AOC3: variants seen among roughly 807,000 people sequenced by gnomAD.
The protein encoded by AOC3 is amine oxidase copper containing 3, also known as amine oxidase [copper-containing] 3.
A neutral mutation model predicts 55.4 loss-of-function variants in AOC3; 47 were observed. The ratio of observed to expected loss-of-function variants is 0.85; its 90% CI spans 0.67 to 1.08. AOC3 has a LOEUF of 1.08. Among genes scored for constraint, AOC3 ranks in the 50% least tolerant of loss-of-function variants. The probability of loss-of-function intolerance (pLI) is 0.00; values close to 1 mark genes in which losing one functional copy is unlikely to be tolerated. For missense variants in AOC3, 853 were observed against 993.1 expected, an observed-to-expected ratio of 0.86 and a Z score of 1.90; for synonymous variants, 386 against 410.7, an observed-to-expected ratio of 0.94 and a Z score of 0.73.
At position 42,852,959 on chromosome 17, in the gene AOC3, G is replaced by A; in HGVS notation, c.1600+16G>A. 6.3e-7 allele frequency: 1 copy of A among 1,593,776 alleles called. No homozygotes were observed. Among genetic ancestry groups the A allele is most frequent in the Non-Finnish European group, 8.6e-7 (1 of 1,163,430 alleles). On this transcript the variant is annotated intron_variant, in intron 1 of 3. Transcript: ENST00000308423. ...GATGTAGCAGGTAAGACATTTTGGT[G>A]GGGAGAAGGCTTCTGGAAGAAGGGC...
In AOC3 at chr17:42,856,582, C is replaced by T; in HGVS notation, c.*32C>T. On this transcript the variant is annotated 3_prime_UTR_variant, in exon 4 of 4. Transcript: ENST00000308423. ...CTGGGATGGGGCATGTGGCCAAGGG[C>T]TCCAGGGCCAGGGTGTGAGGGATGG... 7.1e-7 allele frequency: 1 copy of T among 1,408,090 alleles called. No individual in the cohort carries two copies. Among genetic ancestry groups the T allele is most frequent in the Non-Finnish European group, 9.8e-7 (1 of 1,015,234 alleles). 87.2% of individuals were successfully genotyped at this position (1,408,090 alleles called of 1,614,324 possible).
Position 42,852,554 on chromosome 17 carries a change from G to A in AOC3, c.1211G>A (p.Cys404Tyr), listed in dbSNP as rs201043084. ...YTTPLTRGVD[C>Y]PYLATYVDWH... Reference sequence around the variant, plus strand: ...ACGCCCCTGACCCGTGGGGTGGACTGCCCCTACTTGGCCACCTACGTGGAC... The same window carrying A: ...ACGCCCCTGACCCGTGGGGTGGACTACCCCTACTTGGCCACCTACGTGGAC... Residue 404 changes from cysteine (C) to tyrosine (Y), a missense_variant, in exon 1 of 4, where the codon TGC becomes TAC. Coordinates refer to ENST00000308423, the MANE Select transcript of AOC3 (RefSeq NM_003734.4). 2.5e-6 allele frequency: 4 copies of A among 1,614,096 alleles called. No individual in the cohort carries two copies. Among genetic ancestry groups the A allele is most frequent in the South Asian group, 1.1e-5 (1 of 91,088 alleles).
Position 42,852,736 on chromosome 17 carries a change from A to G in AOC3, c.1393A>G (p.Met465Val), listed in dbSNP as rs1325641163. ...GGAAACGGTGCTGGTCGTCAGATCT[A>G]TGTCCACCTTGCTCAACTATGACTA... is the stretch of plus-strand genomic sequence containing the variant. ...LAETVLVVRS[M>V]STLLNYDYVW... Residue 465 changes from methionine (M) to valine (V), a missense_variant, in exon 1 of 4, where the codon ATG (methionine) becomes GTG (valine). Met to Val is a conservative substitution (Grantham distance 21). Coordinates refer to ENST00000308423, the MANE Select transcript of AOC3 (RefSeq NM_003734.4). 1.4e-5 allele frequency: 23 copies of G among 1,614,116 alleles called. No individual in the cohort carries two copies. The highest frequency in any genetic ancestry group is 1.0e-4 in the Admixed American group (6 of 60,006).
Position 42,852,014 on chromosome 17 carries a change from C to T in AOC3, c.671C>T (p.Ala224Val), listed in dbSNP as rs763247380. The change falls in exon 1 of 4, where the codon GCC (alanine) becomes GTC (valine). Residue 224 changes from alanine (A) to valine (V), a missense_variant. Coordinates refer to ENST00000308423, the MANE Select transcript of AOC3 (RefSeq NM_003734.4). ...APRGLQSGDRATWFGLYYNIS... is the reference protein window; with the variant it reads ...APRGLQSGDRVTWFGLYYNIS... Reference sequence around the variant, plus strand: ...CGTGGTCTGCAATCAGGGGACCGGGCCACCTGGTTTGGCCTCTACTACAAC... The same window carrying T: ...CGTGGTCTGCAATCAGGGGACCGGGTCACCTGGTTTGGCCTCTACTACAAC... 2 of 1,613,880 alleles carry T rather than the reference C, an allele frequency of 1.2e-6. No individual in the cohort carries two copies. Among genetic ancestry groups the T allele is most frequent in the Non-Finnish European group, 8.5e-7 (1 of 1,179,870 alleles).
rs1323807965 is a variant in AOC3, at chr17:42,852,695, A to G, written c.1352A>G (p.Tyr451Cys). 1 of 1,614,032 alleles carries G rather than the reference A, an allele frequency of 6.2e-7. No individual in the cohort carries two copies. Among genetic ancestry groups the G allele is most frequent in the Non-Finnish European group, 8.5e-7 (1 of 1,180,042 alleles). Residue 451 changes from tyrosine to cysteine, a missense_variant, in exon 1 of 4, where the codon TAC becomes TGC. Physicochemically the swap from Tyr to Cys is radical, Grantham distance 194. Coordinates refer to ENST00000308423, the MANE Select transcript of AOC3 (RefSeq NM_003734.4). ...RRHHSDLYSH[Y>C]FGGLAETVLV... ...CACCACTCAGATCTCTACTCGCACT[A>G]CTTTGGGGGTCTTGCGGAAACGGTG...
Position 42,856,378 on chromosome 17 carries a change from C to T in AOC3, c.2120C>T (p.Pro707Leu). Reference protein sequence around the residue: ...VGNGVGFFLRPYNFFDEDPSF... With the variant: ...VGNGVGFFLRLYNFFDEDPSF... ...AACGGCGTGGGCTTCTTCCTCCGAC[C>T]CTATAACTTCTTTGACGAAGACCCC... The change falls in exon 4 of 4, where the codon CCC (proline) becomes CTC (leucine). Residue 707 changes from proline (P) to leucine (L), a missense_variant. Physicochemically the swap from Pro to Leu is moderately conservative, Grantham distance 98. Transcript: ENST00000308423. 1 of 1,614,184 alleles carries T rather than the reference C, an allele frequency of 6.2e-7. No homozygotes were observed. Among genetic ancestry groups the T allele is most frequent in the South Asian group, 1.1e-5 (1 of 91,080 alleles).
Position 42,852,917 on chromosome 17 carries a change from A to T in AOC3, c.1574A>T (p.His525Leu). 6.2e-7 allele frequency: 1 copy of T among 1,604,736 alleles called. No individual in the cohort carries two copies. The highest frequency in any genetic ancestry group is 8.5e-7 in the Non-Finnish European group (1 of 1,172,072). The change falls in exon 1 of 4, where the codon CAC (histidine) becomes CTC (leucine). Residue 525 changes from histidine (H) to leucine (L), a missense_variant. His to Leu is a moderately conservative substitution (Grantham distance 99, BLOSUM62 -3). Coordinates refer to ENST00000308423, the MANE Select transcript of AOC3 (RefSeq NM_003734.4). ...TLGTVHTHSA[H>L]FKVDLDVAGL... ...GGCACGGTCCACACCCACAGCGCCC[A>T]CTTCAAGGTGGATCTGGATGTAGCA...
intron 3 of AOC3, among the ~76,000 whole-genome samples, 174 bp downstream of exon 3, chr17:42,855,747 C>G (rs2055740710): frequency 6.6e-6 from 1 of 152,184 alleles, no homozygotes; most frequent in Non-Finnish European, 1.5e-5. Flanking sequence ...TATGCAGACA[C>G]TGAGTGAGGC....
intron 3 of AOC3, 52 bp downstream of exon 3, chr17:42,855,625 G>A: frequency 6.2e-7 from 1 of 1,612,084 alleles, no homozygotes; most frequent in Non-Finnish European, 8.5e-7. Flanking sequence ...TCTCTTGGGA[G>A]GGTCCCTGAA....
In AOC3 at chr17:42,851,256, G is replaced by T; in HGVS notation, c.-88G>T. On this transcript the variant is annotated 5_prime_UTR_variant, in exon 1 of 4. Coordinates refer to ENST00000308423, the MANE Select transcript of AOC3 (RefSeq NM_003734.4). Reference sequence around the variant, plus strand: ...CCAGAGTCCGGGAGCCCCCCACCCCGTCCAGGAGCCAACAGAGCCCCCGTC... The same window carrying T: ...CCAGAGTCCGGGAGCCCCCCACCCCTTCCAGGAGCCAACAGAGCCCCCGTC... 8.9e-7 allele frequency: 1 copy of T among 1,128,148 alleles called. No homozygotes were observed. The highest frequency in any genetic ancestry group is 1.2e-6 in the Non-Finnish European group (1 of 863,274). The allele number at this position is 1,128,148 out of a possible 1,614,324, so 69.9% of individuals were successfully genotyped here.
In AOC3 at chr17:42,852,650, AG is replaced by A. The variant is rs1414249325; in HGVS notation, c.1310del (p.Gly437AlafsTer49). ...GCCTTTTGTGTGTTTGAACAGAACCAGGGCCTCCCCCTGCGGCGACACCACT... is the reference window on the plus strand; with the variant it reads ...GCCTTTTGTGTGTTTGAACAGAACCAGGCCTCCCCCTGCGGCGACACCACT... ...RDAFCVFEQN[Q>X]GLPLRRHHSD... On this transcript the variant is annotated frameshift_variant, in exon 1 of 4. Coordinates refer to ENST00000308423, the MANE Select transcript of AOC3 (RefSeq NM_003734.4). LOFTEE classifies it high-confidence loss of function. 1.2e-6 allele frequency: 2 copies of A among 1,614,018 alleles called. No homozygotes were observed. Among genetic ancestry groups the A allele is most frequent in the Non-Finnish European group, 1.7e-6 (2 of 1,180,036 alleles).
Position 42,851,800 on chromosome 17 carries a change from C to T in AOC3, c.457C>T (p.Arg153Trp), listed in dbSNP as rs1346151142. Reference sequence around the variant, plus strand: ...GCCACTGCCTCACCCCTCCTACATGCGGGACGTGACTGTGGAGCGTCATGG... The same window carrying T: ...GCCACTGCCTCACCCCTCCTACATGTGGGACGTGACTGTGGAGCGTCATGG... ...VGPLPHPSYM[R>W]DVTVERHGGP... Residue 153 changes from arginine to tryptophan, a missense_variant, in exon 1 of 4, where the codon CGG becomes TGG. Transcript: ENST00000308423. 9 of 1,613,458 alleles carry T rather than the reference C, an allele frequency of 5.6e-6. No individual in the cohort carries two copies. Among genetic ancestry groups the T allele is most frequent in the Admixed American group, 1.7e-5 (1 of 60,024 alleles).
intron 2 of AOC3, 57 bp from the exon 3 acceptor site, chr17:42,855,387 T>C: frequency 6.4e-7 from 1 of 1,565,072 alleles, no homozygotes; most frequent in Non-Finnish European, 8.7e-7. Flanking sequence ...CCTTTCATCA[T>C]AATCAGGCAG....
rs905428502 is a variant in AOC3 at position 42,852,390 on chromosome 17, C to CTT, written c.1049_1050dup (p.Asp351LeufsTer10). 2 of 1,614,056 alleles carry CTT rather than the reference C, an allele frequency of 1.2e-6. No individual in the cohort carries two copies. Among genetic ancestry groups the CTT allele is most frequent in the African/African-American group, 2.7e-5 (2 of 74,908 alleles). ...TCGGAGCATTCAGTGGCCCAAGGAT[C>CTT]TTTGACGTTCGCTTCCAAGGAGAAA... On this transcript the variant is annotated frameshift_variant, in exon 1 of 4. Coordinates refer to ENST00000308423, the MANE Select transcript of AOC3 (RefSeq NM_003734.4). LOFTEE classifies it high-confidence loss of function.
chr17:42,853,454 G>C, intron 1 of AOC3: 1 of 961,288 alleles, frequency 1.0e-6, no homozygotes, highest in Non-Finnish European at 1.2e-6. Context: ...ACCTAAGTGT[G>C]AGGGGTCACA....
rs1361064255 is a variant in AOC3 at position 42,854,603 on chromosome 17, TA to T, written c.1757del (p.Tyr586SerfsTer49). On this transcript the variant is annotated frameshift_variant, in exon 2 of 4. Transcript: ENST00000308423. LOFTEE classifies it high-confidence loss of function. ...CCTCGTGGGAAGCGCCACCCCTCGC[TA>T]CCTGTACCTGGCCAGCAACCACAGC... ...AFLVGSATPR[Y>X]LYLASNHSNK... 2 of 1,604,420 alleles carry T rather than the reference TA, an allele frequency of 1.2e-6. No individual in the cohort carries two copies. Among genetic ancestry groups the T allele is most frequent in the Admixed American group, 3.4e-5 (2 of 59,156 alleles).
At position 42,852,390 on chromosome 17, in the gene AOC3, C is replaced by G; in HGVS notation, c.1047C>G (p.Ile349Met). 1 of 1,614,174 alleles carries G rather than the reference C, an allele frequency of 6.2e-7. No homozygotes were observed. The highest frequency in any genetic ancestry group is 8.5e-7 in the Non-Finnish European group (1 of 1,180,046). Residue 349 changes from isoleucine (I) to methionine (M), a missense_variant, in exon 1 of 4, where the codon ATC becomes ATG. Transcript: ENST00000308423. ...FGLGAFSGPR[I>M]FDVRFQGERL... ...TCGGAGCATTCAGTGGCCCAAGGATCTTTGACGTTCGCTTCCAAGGAGAAA... is the reference window on the plus strand; with the variant it reads ...TCGGAGCATTCAGTGGCCCAAGGATGTTTGACGTTCGCTTCCAAGGAGAAA...
At chr17:42,855,285 T>C (rs920455169) in intron 2 of AOC3, among the ~76,000 whole-genome samples, 159 bp from the exon 3 acceptor site, 11 of 152,214 alleles carry the variant, frequency 7.2e-5, no homozygotes, top group African/African-American at 2.7e-4. Flanking sequence ...ACAGGAGGAC[T>C]TGACCCCCCT....
chr17:42,853,069 G>A, intron 1 of AOC3, 126 bp downstream of exon 1: 1 of 1,359,668 alleles, frequency 7.4e-7, no homozygotes, highest in African/African-American at 1.5e-5. Flanking sequence ...CCCTTTTGCT[G>A]GATGGGAGAG....
Sources: gnomAD v4.1 joint callset for allele counts (sites outside exome capture counted in the v4.1 genomes callset) on GRCh38, gnomAD v4.1.1 for gene constraint, MANE v1.5 for transcripts, NCBI Gene and HGNC (gene_info 2026-07-23, HGNC 2026-07-21) for gene names.